The following TANC1 variants were observed in gnomAD, a reference collection of about 807,000 sequenced individuals.
TANC1 encodes the protein tetratricopeptide repeat, ankyrin repeat and coiled-coil containing 1, also known as protein TANC1.
In TANC1, 77 loss-of-function variants were observed where a neutral mutation model predicts 149.7. That is an observed-to-expected ratio of 0.51 (90% CI 0.43 to 0.62). TANC1 has a LOEUF of 0.62. TANC1 is among the 20% of genes least tolerant of loss of function. TANC1 has a pLI of 0.00. For synonymous variants in TANC1, 854 were observed against 925.0 expected (o/e 0.92, Z 1.39); for missense variants, 1,985 against 2,321.8 (o/e 0.85, Z 2.98).
intron 16 of TANC1, among the ~76,000 whole-genome samples, chr2:159,187,677 C>G (rs1035034335): frequency 6.6e-6 from 1 of 152,172 alleles, no homozygotes; most frequent in African/African-American, 2.4e-5. Context: ...CTTTCAGCTT[C>G]AGGCCCTGAT....
At position 159,217,687 on chromosome 2, in the gene TANC1, T is replaced by C; in HGVS notation, c.3378+57T>C. On this transcript the variant is annotated intron_variant, in intron 20 of 26. Coordinates refer to ENST00000263635, the MANE Select transcript of TANC1 (RefSeq NM_033394.3). ...CAATGAGTGGGGATGGAGTTCACTA[T>C]TGCCTGGCTCCCCTGAGAACACAAT... 1.1e-5 allele frequency: 17 copies of C among 1,594,192 alleles called. 1 individual carries two copies. In the South Asian group the frequency reaches 1.7e-4, roughly 16 times the overall value.
chr2:158,983,544 C>A (rs2034662741), intron 1 of TANC1, among the ~76,000 whole-genome samples: 1 of 147,608 alleles, frequency 6.8e-6, no homozygotes, highest in East Asian at 2.0e-4. Context: ...ATATTGCTAA[C>A]AAACTCTGGT....
intron 16 of TANC1, among the ~76,000 whole-genome samples, chr2:159,192,745 G>A (rs897298660): frequency 1.3e-5 from 2 of 152,172 alleles, no homozygotes; most frequent in Admixed American, 6.5e-5. Flanking sequence ...CACCTCCTGC[G>A]TTCAAGCGAT....
Position 159,199,035 on chromosome 2 carries a change from A to G in TANC1, c.3226A>G (p.Thr1076Ala). Residue 1076 changes from threonine to alanine, a missense_variant, in exon 19 of 27, where the codon ACA becomes GCA. Physicochemically the swap from Thr to Ala is moderately conservative, Grantham distance 58. This residue lies in a region of TANC1 where 920 missense variants were observed against 994.7 expected (regional missense o/e 0.92). Coordinates refer to ENST00000263635, the MANE Select transcript of TANC1 (RefSeq NM_033394.3). ...TGAAGTAGAAGTCAATGGCACCGAC[A>G]CATTGTGGGGAGAAACAGGTAATTA... ...EHEVEVNGTD[T>A]LWGETALTAA... 6.2e-7 allele frequency: 1 copy of G among 1,614,002 alleles called. No individual in the cohort carries two copies. Among genetic ancestry groups the G allele is most frequent in the Non-Finnish European group, 8.5e-7 (1 of 1,179,856 alleles).
In TANC1 at chr2:159,051,651, T is replaced by TTGTGTGTGTGTG. The variant is rs58015346; in HGVS notation, c.-15-14217_-15-14206dup. On this transcript the variant is annotated intron_variant, in intron 2 of 26. Transcript: ENST00000263635. The stretch of plus-strand genomic sequence containing the variant: ...ATTCAAAATTTAGTTGAAGTGGTGT[T>TTGTGTGTGTGTG]TGTGTGTGTGTGTGTGTGTGTGTGT... 1.5e-3 allele frequency among the ~76,000 whole-genome samples: 216 copies of TTGTGTGTGTGTG among 142,962 alleles called. 1 individual carries two copies. Among genetic ancestry groups the TTGTGTGTGTGTG allele is most frequent in the Middle Eastern group, 3.6e-3 (1 of 280 alleles). 93.8% of individuals were successfully genotyped at this position (142,962 alleles called of 152,430 possible).
chr2:159,194,387 G>C lies in TANC1; in HGVS notation c.2873G>C (p.Gly958Ala). ...GTTGTCACTCTGCTCCTGGAATTTG[G>C]TGCCTGCCTGGACGGAACGTCAGAG... ...EEVVTLLLEF[G>A]ACLDGTSENG... Residue 958 changes from glycine to alanine, a missense_variant, in exon 17 of 27, where the codon GGT (glycine) becomes GCT (alanine). Gly to Ala is a moderately conservative substitution (Grantham distance 60). This residue lies in a region of TANC1 where 508 missense variants were observed against 714.2 expected (regional missense o/e 0.71). Transcript: ENST00000263635. 6.2e-7 allele frequency: 1 copy of C among 1,614,294 alleles called. No individual in the cohort carries two copies. Among genetic ancestry groups the C allele is most frequent in the Non-Finnish European group, 8.5e-7 (1 of 1,180,060 alleles).
intron 3 of TANC1, among the ~76,000 whole-genome samples, chr2:159,072,640 T>C (rs955639783): frequency 6.6e-6 from 1 of 152,158 alleles, no homozygotes; most frequent in Non-Finnish European, 1.5e-5. Flanking sequence ...CTTAAAAATA[T>C]ATAAATAAAA....
chr2:159,150,210 C>T (rs572104422), intron 6 of TANC1, 160 bp from the exon 7 acceptor site: 3 of 577,224 alleles, frequency 5.2e-6, no homozygotes, highest in Middle Eastern at 4.6e-4. Flanking sequence ...ATAGATAAAG[C>T]TCCATGAATC....
intron 4 of TANC1, among the ~76,000 whole-genome samples, chr2:159,118,642 T>C (rs1157832825): frequency 6.6e-6 from 1 of 152,146 alleles, no homozygotes; most frequent in Non-Finnish European, 1.5e-5. Context: ...CATATGTGTG[T>C]TACCTGAAAC....
chr2:159,063,441 G>A (rs2042411399), intron 2 of TANC1, among the ~76,000 whole-genome samples: 2 of 152,238 alleles, frequency 1.3e-5, no homozygotes, highest in Admixed American at 6.5e-5. Flanking sequence ...GGCCAGAGAC[G>A]ATTGAAACTT....
intron 1 of TANC1, among the ~76,000 whole-genome samples, chr2:158,983,432 A>ACTCCAGCCTGGG (rs977936443): frequency 7.0e-6 from 1 of 143,082 alleles, no homozygotes; most frequent in Non-Finnish European, 1.5e-5. Context: ...GCGCCACTGC[A>ACTCCAGCCTGGG]CTCCAGCCTG....
intron 3 of TANC1, among the ~76,000 whole-genome samples, chr2:159,087,680 C>CT (rs1030810392): frequency 2.6e-5 from 4 of 151,338 alleles, no homozygotes; most frequent in African/African-American, 9.7e-5. Flanking sequence ...GCCAATGTTG[C>CT]TTTTTTGATT....
intron 22 of TANC1, 132 bp downstream of exon 22, chr2:159,219,999 T>C: frequency 1.4e-6 from 1 of 711,160 alleles, no homozygotes; most frequent in Non-Finnish European, 2.3e-6. Context: ...TGTGTGTGTG[T>C]GTGTGTGTGT....
chr2:159,187,648 A>G (rs2057101860), intron 16 of TANC1, among the ~76,000 whole-genome samples: 1 of 152,172 alleles, frequency 6.6e-6, no homozygotes, highest in African/African-American at 2.4e-5. Flanking sequence ...TGTTAAGGCC[A>G]CAGAGACAGT....
At chr2:159,037,257 A>G (rs938388312) in intron 2 of TANC1, among the ~76,000 whole-genome samples, 2 of 152,082 alleles carry the variant, frequency 1.3e-5, no homozygotes, top group Non-Finnish European at 2.9e-5. Flanking sequence ...GATTCTGGGT[A>G]TTAGCTCTTT....
intron 4 of TANC1, among the ~76,000 whole-genome samples, chr2:159,116,616 G>A (rs944515755): frequency 2.0e-5 from 3 of 152,216 alleles, no homozygotes; most frequent in Non-Finnish European, 4.4e-5. Context: ...TGCCATCGTA[G>A]TACAGAGCAG....
At chr2:159,058,815 T>TTTTGTTTG (rs140501867) in intron 2 of TANC1, among the ~76,000 whole-genome samples, 1 of 151,946 alleles carries the variant, frequency 6.6e-6, no homozygotes, top group Non-Finnish European at 1.5e-5. Flanking sequence ...AGGTAAGGTG[T>TTTTGTTTG]TTTGTTTGTT....
At chr2:159,225,624 G>A (rs1032273030) in intron 23 of TANC1, 64 bp from the exon 24 acceptor site, 48 of 1,338,464 alleles carry the variant, frequency 3.6e-5, no homozygotes, top group Admixed American at 6.9e-5. Flanking sequence ...GTGGGGCCAC[G>A]GAGGAATTGG....
At chr2:159,051,838 G>A (rs567155718) in intron 2 of TANC1, among the ~76,000 whole-genome samples, 2 of 152,138 alleles carry the variant, frequency 1.3e-5, no homozygotes, top group Non-Finnish European at 2.9e-5. Context: ...TATTTTATTA[G>A]TCTAGAAAGA....
Sources: gnomAD v4.1 joint callset for allele counts (sites outside exome capture counted in the v4.1 genomes callset) on GRCh38, gnomAD v4.1.1 for gene constraint, gnomAD v4.1.1 regional missense constraint, MANE v1.5 for transcripts, NCBI Gene and HGNC (gene_info 2026-07-23, HGNC 2026-07-21) for gene names.